SYN3: variants seen among roughly 807,000 people sequenced by gnomAD.
The protein encoded by SYN3 is synapsin-3.
SYN3 carries 35 observed loss-of-function variants against 65.8 expected under a neutral mutation model. The ratio of observed to expected loss-of-function variants is 0.53; its 90% CI spans 0.41 to 0.70. SYN3 has a LOEUF of 0.70. Ranked by LOEUF, SYN3 falls within the 30% of genes least tolerant of loss-of-function variation. SYN3 has a pLI of 0.00. For missense variants in SYN3, 680 were observed against 749.0 expected (o/e 0.91, Z 1.08); for synonymous variants, 270 against 292.9 (o/e 0.92, Z 0.80).
At chr22:32,877,640 C>G (rs1028566039) in intron 4 of SYN3, among the ~76,000 whole-genome samples, 3 of 152,170 alleles carry the variant, frequency 2.0e-5, no homozygotes, top group Non-Finnish European at 4.4e-5. Flanking sequence ...GCTAGAGAAG[C>G]CCTGCTGCAG....
chr22:32,604,922 T>C (rs5998555), intron 6 of SYN3, among the ~76,000 whole-genome samples: 2,014 of 144,508 alleles, frequency 0.014, 42 homozygotes, highest in African/African-American at 0.046. Flanking sequence ...GGGAGAATGG[T>C]GTGAACCCGG....
intron 6 of SYN3, among the ~76,000 whole-genome samples, chr22:32,778,037 G>T (rs1215368870): frequency 2.0e-5 from 3 of 152,184 alleles, no homozygotes; most frequent in East Asian, 3.9e-4. Context: ...AATAGAGTCT[G>T]CCAGCTGCCA....
chr22:32,965,541 T>C (rs1352726790), intron 3 of SYN3, among the ~76,000 whole-genome samples: 2 of 103,104 alleles, frequency 1.9e-5, no homozygotes, highest in Non-Finnish European at 4.2e-5. Flanking sequence ...TTATGGTGCG[T>C]ACGTGTGTGT....
chr22:32,683,310 G>T (rs1048804423), intron 6 of SYN3, among the ~76,000 whole-genome samples: 22 of 152,168 alleles, frequency 1.4e-4, no homozygotes, highest in Admixed American at 1.2e-3. Context: ...CCCTTCCTGG[G>T]GTAGGTGATC....
chr22:32,769,046 A>G (rs2045699043), intron 6 of SYN3, among the ~76,000 whole-genome samples: 1 of 152,122 alleles, frequency 6.6e-6, no homozygotes, highest in Non-Finnish European at 1.5e-5. Context: ...CGATTCTAGG[A>G]CAATGCTCCA....
At chr22:32,535,818 C>G (rs1319688931) in intron 9 of SYN3, among the ~76,000 whole-genome samples, 2 of 151,786 alleles carry the variant, frequency 1.3e-5, no homozygotes, top group Admixed American at 6.6e-5. Context: ...CCAGGTGGGA[C>G]TAGCACTGAC....
rs556444850 is a variant in SYN3, at chr22:32,510,260, A to C, written c.*3432T>G. On this transcript the variant is annotated 3_prime_UTR_variant, in exon 14 of 14. Transcript: ENST00000358763. ...TGGTCTCACATCAAAGTGCATTCAA[A>C]GTGGGGAGATTGACAAAGATGCAGG... is the stretch of plus-strand genomic sequence containing the variant. Among the ~76,000 whole-genome samples, 69 of 152,312 alleles carry C rather than the reference A, an allele frequency of 4.5e-4. 1 individual carries two copies. In the South Asian group the frequency reaches 0.013, roughly 29 times the overall value.
intron 6 of SYN3, among the ~76,000 whole-genome samples, chr22:32,774,205 C>T (rs547261104): frequency 6.6e-6 from 1 of 152,266 alleles, no homozygotes; most frequent in African/African-American, 2.4e-5. Flanking sequence ...TGCTCAATCC[C>T]TCACCCTTGG....
intron 6 of SYN3, among the ~76,000 whole-genome samples, chr22:32,780,331 C>A (rs1026937787): frequency 2.0e-5 from 3 of 152,006 alleles, no homozygotes; most frequent in Non-Finnish European, 4.4e-5. Flanking sequence ...GTTCTGGGGG[C>A]TAAAATTACA....
intron 3 of SYN3, among the ~76,000 whole-genome samples, chr22:32,969,126 C>CT (rs1286054507): frequency 5.9e-5 from 9 of 152,178 alleles, no homozygotes; most frequent in Admixed American, 6.5e-5. Flanking sequence ...AACACAGCAG[C>CT]TAAAGGCCAA....
At chr22:33,021,776 T>A (rs1325032170) in intron 1 of SYN3, among the ~76,000 whole-genome samples, 1 of 117,514 alleles carries the variant, frequency 8.5e-6, no homozygotes, top group Non-Finnish European at 1.7e-5. Flanking sequence ...AACTATATAC[T>A]GTAACTTATT....
intron 6 of SYN3, among the ~76,000 whole-genome samples, chr22:32,606,835 A>G (rs1278805556): frequency 6.6e-6 from 1 of 151,164 alleles, no homozygotes. Flanking sequence ...TTAAATAAGT[A>G]TTTATTTAAA....
intron 6 of SYN3, among the ~76,000 whole-genome samples, chr22:32,765,642 G>T (rs1485109264): frequency 6.6e-6 from 1 of 152,150 alleles, no homozygotes; most frequent in African/African-American, 2.4e-5. Context: ...AGCTGGACAC[G>T]TGAGCGTTAA....
intron 6 of SYN3, chr22:32,859,188 C>T: frequency 1.9e-6 from 3 of 1,614,200 alleles, no homozygotes; most frequent in African/African-American, 1.3e-5. Context: ...AGATCAAGTC[C>T]TGCTACTACC....
rs1321493147 is a variant in SYN3 at position 32,980,798 on chromosome 22, ACACATCCTCAGCCATCCTACTG to A, written c.312-118_312-97del. 10 of 1,047,794 alleles carry A rather than the reference ACACATCCTCAGCCATCCTACTG, an allele frequency of 9.5e-6. No homozygotes were observed. In the Admixed American group the frequency reaches 1.7e-4, roughly 18 times the overall value. 64.9% of individuals were successfully genotyped at this position (1,047,794 alleles called of 1,614,324 possible). ...CCTTACCCCAGAGGTGCATATTGAGACACATCCTCAGCCATCCTACTGTCTCCTCCCACCTTCACTACTGATT... is the reference window on the plus strand; with the variant it reads ...CCTTACCCCAGAGGTGCATATTGAGATCTCCTCCCACCTTCACTACTGATT... On this transcript the variant is annotated intron_variant, in intron 2 of 13. Transcript: ENST00000358763.
At chr22:32,945,145 C>A (rs1286240772) in intron 3 of SYN3, among the ~76,000 whole-genome samples, 3 of 152,144 alleles carry the variant, frequency 2.0e-5, no homozygotes, top group Non-Finnish European at 4.4e-5. Context: ...CAATGCCATC[C>A]CCATTAAGCT....
intron 6 of SYN3, among the ~76,000 whole-genome samples, chr22:32,663,937 C>A (rs1328090768): frequency 2.2e-5 from 3 of 136,702 alleles, no homozygotes; most frequent in Admixed American, 7.5e-5. Flanking sequence ...GCATTCCCCC[C>A]CCACACTGCA....
rs71742177 is a variant in SYN3, at chr22:32,948,118, CTT to C, written c.370-16639_370-16638del. On this transcript the variant is annotated intron_variant, in intron 3 of 13. Coordinates refer to ENST00000358763, the MANE Select transcript of SYN3 (RefSeq NM_003490.4). ...TCACTTTTCAAATTTTTATTGACTT[CTT>C]GTCTGCCACATCTCCATCTCCAGTA... Among the ~76,000 whole-genome samples, 1,491 of 152,316 alleles carry C rather than the reference CTT, an allele frequency of 9.8e-3. 21 individuals are homozygous for C. The highest frequency in any genetic ancestry group is 0.034 in the African/African-American group (1,424 of 41,552).
chr22:32,676,050 GATGAACT>G (rs2060435992), intron 6 of SYN3, among the ~76,000 whole-genome samples: 1 of 151,432 alleles, frequency 6.6e-6, no homozygotes, highest in East Asian at 1.9e-4. Flanking sequence ...CCAGCCCCAG[GATGAACT>G]CTGAGGATGA....
Sources: gnomAD v4.1 joint callset for allele counts (sites outside exome capture counted in the v4.1 genomes callset) on GRCh38, gnomAD v4.1.1 for gene constraint, MANE v1.5 for transcripts, NCBI Gene and HGNC (gene_info 2026-07-23, HGNC 2026-07-21) for gene names.